Variants in VEGFD observed in about 807,000 individuals in gnomAD.
VEGFD encodes vascular endothelial growth factor D, also known as c-fos induced growth factor (vascular endothelial growth factor D).
In VEGFD, 26 loss-of-function variants were observed where a neutral mutation model predicts 28.0. That is an observed-to-expected ratio of 0.93 (90% CI 0.68 to 1.29). The LOEUF (loss-of-function observed/expected upper bound fraction) is 1.29. VEGFD is among the 50% of genes most tolerant of loss of function. VEGFD has a pLI of 0.00. For synonymous variants in VEGFD, 93 were observed against 95.5 expected, an observed-to-expected ratio of 0.97 and a Z score of 0.15; for missense variants, 294 against 273.4, an observed-to-expected ratio of 1.08 and a Z score of -0.53.
At chrX:15,373,858 A>T (rs1210684941) in intron 1 of VEGFD, among the ~76,000 whole-genome samples, 1 of 110,607 alleles carries the variant, frequency 9.0e-6, no homozygotes, top group Non-Finnish European at 1.9e-5. Flanking sequence ...AAACCACCAA[A>T]TTTTTCCTGG....
chrX:15,383,950 G>A lies in VEGFD; in HGVS notation c.-4C>T. 2 of 1,175,746 alleles carry A rather than the reference G, an allele frequency of 1.7e-6. No individual in the cohort carries two copies. The highest frequency in any genetic ancestry group is 2.3e-6 in the Non-Finnish European group (2 of 862,945). ...CCACTACCCACTCTCTGTACATTTT[G>A]AATATTTCAATATCCACTGATTACT... On this transcript the variant is annotated 5_prime_UTR_variant, in exon 1 of 7. Transcript: ENST00000297904.
chrX:15,350,937 C>T (rs1225365542), intron 5 of VEGFD, among the ~76,000 whole-genome samples: 6 of 103,774 alleles, frequency 5.8e-5, no homozygotes, highest in African/African-American at 2.1e-4. Flanking sequence ...CCTCGGCTCA[C>T]TGCAACCTCT....
At chrX:15,372,162 G>C (rs1380341786) in intron 1 of VEGFD, among the ~76,000 whole-genome samples, 3 of 111,866 alleles carry the variant, frequency 2.7e-5, no homozygotes, top group Non-Finnish European at 5.6e-5. Flanking sequence ...TTTGTAAATA[G>C]AATCAAGAGC....
intron 1 of VEGFD, among the ~76,000 whole-genome samples, chrX:15,373,593 A>G (rs1379869373): frequency 1.8e-5 from 2 of 111,713 alleles, no homozygotes; most frequent in African/African-American, 6.5e-5. Flanking sequence ...TATGGAAGGG[A>G]CACATTTTAC....
intron 5 of VEGFD, among the ~76,000 whole-genome samples, 171 bp downstream of exon 5, chrX:15,352,897 T>TA (rs748470833): frequency 6.2e-4 from 70 of 112,431 alleles, no homozygotes; most frequent in African/African-American, 1.9e-3. Flanking sequence ...TTTGTAATTG[T>TA]AAAAAAAGAA....
rs1922579863 is a variant in VEGFD at position 15,347,339 on chromosome X, G to T, written c.763C>A (p.Pro255Thr). The T allele has an allele frequency of 3.3e-6, 4 of 1,207,492 alleles. No individual in the cohort carries two copies. The highest frequency in any genetic ancestry group is 4.5e-6 in the Non-Finnish European group (4 of 894,119). The change falls in exon 6 of 7, where the codon CCA (proline) becomes ACA (threonine). Residue 255 changes from proline (P) to threonine (T), a missense_variant. Transcript: ENST00000297904. The stretch of plus-strand genomic sequence containing the variant: ...ATCATGTGTGGCCCACAGAGAGCTG[G>T]TTCCTGGAGATGAGAGTGGTCTAAA... ...GTEDHSHLQE[P>T]ALCGPHMMFD... is the part of the protein sequence containing the mutation.
At chrX:15,359,299 T>G (rs1922944650) in intron 2 of VEGFD, among the ~76,000 whole-genome samples, 1 of 108,841 alleles carries the variant, frequency 9.2e-6, no homozygotes, top group Admixed American at 9.9e-5. Flanking sequence ...CCCTTCTTTC[T>G]TACTCTGTCT....
At chrX:15,348,712 T>A (rs898548531) in intron 5 of VEGFD, among the ~76,000 whole-genome samples, 1 of 112,717 alleles carries the variant, frequency 8.9e-6, no homozygotes, top group African/African-American at 3.2e-5. Context: ...CCTTATCCTG[T>A]GCATATTGCT....
At chrX:15,346,895 C>T (rs1343428955) in intron 6 of VEGFD, among the ~76,000 whole-genome samples, 1 of 110,452 alleles carries the variant, frequency 9.1e-6, no homozygotes, top group Non-Finnish European at 1.9e-5. Flanking sequence ...CACGCCACTG[C>T]ACTCCAGCCT....
At position 15,383,877 on chromosome X, in the gene VEGFD, T is replaced by C. The variant is rs951027847; in HGVS notation, c.70A>G (p.Asn24Asp). ...LYVQLVQGSS[N>D]EHGPVKRSSQ... ...CCTACCTTCACTGGTCCATGTTCAT[T>C]ACTGGAGCCCTGCACCAGCTGGACG... The change falls in exon 1 of 7, where the codon AAT becomes GAT. Residue 24 changes from asparagine (N) to aspartate (D), a missense_variant. Asn to Asp is a conservative substitution (Grantham distance 23). Coordinates refer to ENST00000297904, the MANE Select transcript of VEGFD (RefSeq NM_004469.5). The C allele has an allele frequency of 2.5e-6, 3 of 1,208,312 alleles. No individual in the cohort carries two copies. Among genetic ancestry groups the C allele is most frequent in the Non-Finnish European group, 3.4e-6 (3 of 892,114 alleles).
chrX:15,356,133 C>T, intron 3 of VEGFD, among the ~76,000 whole-genome samples: 1 of 112,068 alleles, frequency 8.9e-6, no homozygotes, highest in East Asian at 2.8e-4. Flanking sequence ...ACTCATTTAC[C>T]CCTTATAACA....
At chrX:15,350,814 TCTCTCTC>T (rs1922683159) in intron 5 of VEGFD, among the ~76,000 whole-genome samples, 2 of 98,919 alleles carry the variant, frequency 2.0e-5, no homozygotes, top group African/African-American at 3.7e-5. Context: ...TCTTTCTTTC[TCTCTCTC>T]TCTCTTTCTT....
chrX:15,351,198 C>G (rs1922714299), intron 5 of VEGFD, among the ~76,000 whole-genome samples: 2 of 96,748 alleles, frequency 2.1e-5, no homozygotes, highest in African/African-American at 7.6e-5. Context: ...TCACTGCAAG[C>G]TCCGCCTCCC....
At chrX:15,359,995 G>A (rs1481863354) in intron 2 of VEGFD, among the ~76,000 whole-genome samples, 3 of 112,203 alleles carry the variant, frequency 2.7e-5, no homozygotes, top group Non-Finnish European at 5.6e-5. Context: ...GCAACAATAG[G>A]CAAACTCTCC....
At chrX:15,380,360 T>C (rs1923539514) in intron 1 of VEGFD, among the ~76,000 whole-genome samples, 1 of 112,738 alleles carries the variant, frequency 8.9e-6, no homozygotes, top group South Asian at 3.7e-4. Context: ...TAAAGAAGTC[T>C]TGTGAGCCAT....
At chrX:15,362,287 A>G (rs750167916) in intron 2 of VEGFD, among the ~76,000 whole-genome samples, 1 of 111,427 alleles carries the variant, frequency 9.0e-6, no homozygotes, top group Non-Finnish European at 1.9e-5. Context: ...TTCTCCCTTC[A>G]TTATTCTCCT....
chrX:15,357,989 C>T lies in VEGFD; in HGVS notation c.492+14G>A. On this transcript the variant is annotated intron_variant, in intron 3 of 6. Transcript: ENST00000297904. ...AGGGCTTTAGAGACGGCAGGCTTGC[C>T]GATGTCCTTATACCTGTTTGGAAAT... The T allele has an allele frequency of 8.4e-7, 1 of 1,196,861 alleles. No homozygotes were observed. The highest frequency in any genetic ancestry group is 1.1e-6 in the Non-Finnish European group (1 of 886,866).
chrX:15,366,510 T>C (rs892391802), intron 1 of VEGFD, among the ~76,000 whole-genome samples: 3 of 111,909 alleles, frequency 2.7e-5, no homozygotes, highest in African/African-American at 9.8e-5. Flanking sequence ...TCCATTTTCA[T>C]TCAGAGATTC....
At chrX:15,348,606 C>A (rs1226440777) in intron 5 of VEGFD, among the ~76,000 whole-genome samples, 3 of 112,351 alleles carry the variant, frequency 2.7e-5, no homozygotes, top group African/African-American at 9.7e-5. Flanking sequence ...CCTGATATTC[C>A]AGTGCCTCCC....
Sources: allele counts gnomAD v4.1 joint callset (sites outside exome capture counted in the v4.1 genomes callset), GRCh38; gene constraint gnomAD v4.1.1; transcripts MANE v1.5; gene names NCBI Gene and HGNC (gene_info 2026-07-23, HGNC 2026-07-21).